The following PPP2R3A variants were observed in gnomAD, a reference collection of about 807,000 sequenced individuals.
PPP2R3A encodes the protein protein phosphatase 2 regulatory subunit B''alpha, also known as serine/threonine-protein phosphatase 2A regulatory subunit B'' subunit alpha.
In PPP2R3A, 80 loss-of-function variants were observed where a neutral mutation model predicts 106.9. That is an observed-to-expected ratio of 0.75 (90% CI 0.62 to 0.90). The LOEUF is 0.90. Ranked by LOEUF, PPP2R3A falls within the 40% of genes least tolerant of loss-of-function variation. The probability of loss-of-function intolerance (pLI) is 0.00; values close to 1 mark genes in which losing one functional copy is unlikely to be tolerated. For synonymous variants in PPP2R3A, 483 were observed against 468.3 expected (o/e 1.03, Z -0.41); for missense variants, 1,386 against 1,350.4 (o/e 1.03, Z -0.41).
At chr3:135,983,023 G>C (rs369574759) in intron 1 of PPP2R3A, among the ~76,000 whole-genome samples, 7 of 152,126 alleles carry the variant, frequency 4.6e-5, no homozygotes, top group African/African-American at 1.7e-4. Flanking sequence ...AACTAATAAC[G>C]TTAGATGTGA....
rs768219476 is a variant in PPP2R3A at position 136,106,176 on chromosome 3, GA to G, written c.3223-39del. The G allele has an allele frequency of 1.3e-5, 20 of 1,539,466 alleles. No individual in the cohort carries two copies. In the East Asian group the frequency reaches 4.5e-4, roughly 35 times the overall value. On this transcript the variant is annotated intron_variant, in intron 12 of 13. Transcript: ENST00000264977. ...GATCTATCTCCAATTCTTTGTCTTT[GA>G]TTTTTTTTATTTCTCGTGGCTGTCT... is the stretch of plus-strand genomic sequence containing the variant.
In PPP2R3A at chr3:136,109,029, T is replaced by G. The variant is rs190804575; in HGVS notation, c.3329+2707T>G. 1.6e-3 allele frequency among the ~76,000 whole-genome samples: 242 copies of G among 152,024 alleles called. 2 individuals carry two copies. The highest frequency in any genetic ancestry group is 5.6e-3 in the African/African-American group (232 of 41,494). ...ATGAGCAGCCATGGTAGAAAAGAAATAATAGTGAGCATTCAATCCATTTAA... is the reference window on the plus strand; with the variant it reads ...ATGAGCAGCCATGGTAGAAAAGAAAGAATAGTGAGCATTCAATCCATTTAA... On this transcript the variant is annotated intron_variant, in intron 13 of 13. Transcript: ENST00000264977.
intron 13 of PPP2R3A, among the ~76,000 whole-genome samples, chr3:136,112,636 A>T (rs888623440): frequency 6.6e-6 from 1 of 152,216 alleles, no homozygotes; most frequent in Admixed American, 6.5e-5. Context: ...CACAGACAAC[A>T]TTAAAAAATG....
rs201020288 is a variant in PPP2R3A, at chr3:136,045,802, TC to T, written c.2367-3454del. Among the ~76,000 whole-genome samples the T allele has an allele frequency of 4.5e-4, 68 of 152,228 alleles. No homozygotes were observed. In the East Asian group the frequency reaches 0.012, roughly 27 times the overall value. ...GTAGCCCTTACTATTAAATGCCATC[TC>T]CCAGGTTACAGCTTGAATTACAGCA... On this transcript the variant is annotated intron_variant, in intron 4 of 13. Coordinates refer to ENST00000264977, the MANE Select transcript of PPP2R3A (RefSeq NM_002718.5).
intron 1 of PPP2R3A, among the ~76,000 whole-genome samples, chr3:135,980,154 C>G (rs1937520110): frequency 6.6e-6 from 1 of 151,760 alleles, no homozygotes; most frequent in South Asian, 2.1e-4. Flanking sequence ...ACTCAGAGCT[C>G]TCAGCTAATT....
chr3:136,093,867 C>G (rs1424274027), intron 10 of PPP2R3A, among the ~76,000 whole-genome samples: 2 of 152,148 alleles, frequency 1.3e-5, no homozygotes, highest in Non-Finnish European at 2.9e-5. Flanking sequence ...ATCATATGAC[C>G]TAGCAATTCC....
intron 1 of PPP2R3A, among the ~76,000 whole-genome samples, chr3:135,983,660 A>G (rs1036844837): frequency 5.9e-5 from 9 of 151,940 alleles, no homozygotes; most frequent in Middle Eastern, 6.8e-3. Context: ...TGCATCTTCT[A>G]TTTGCCTCTT....
At position 136,001,471 on chromosome 3, in the gene PPP2R3A, A is replaced by G. The variant is rs766021403; in HGVS notation, c.-28A>G. On this transcript the variant is annotated 5_prime_UTR_variant, in exon 2 of 14. Coordinates refer to ENST00000264977, the MANE Select transcript of PPP2R3A (RefSeq NM_002718.5). ...ATGAAACAAGTTCTAGAAAGTTCCA[A>G]GTCCCACCAGTAAGTGGATTTGATA... 43 of 1,582,338 alleles carry G rather than the reference A, an allele frequency of 2.7e-5. No homozygotes were observed. Among genetic ancestry groups the G allele is most frequent in the South Asian group, 4.6e-5 (4 of 87,178 alleles).
At chr3:136,133,314 T>C (rs1263777954) in intron 13 of PPP2R3A, among the ~76,000 whole-genome samples, 4 of 152,076 alleles carry the variant, frequency 2.6e-5, no homozygotes, top group Admixed American at 6.6e-5. Flanking sequence ...GACTAATATC[T>C]CAATTTTTTA....
chr3:136,093,626 G>C (rs891625014), intron 10 of PPP2R3A, among the ~76,000 whole-genome samples: 1 of 152,122 alleles, frequency 6.6e-6, no homozygotes, highest in Admixed American at 6.6e-5. Flanking sequence ...GAAGATATAT[G>C]CATGGCCAAT....
chr3:136,104,320 G>GTGTGTT (rs1485193210), intron 12 of PPP2R3A, among the ~76,000 whole-genome samples: 1 of 151,884 alleles, frequency 6.6e-6, no homozygotes, highest in African/African-American at 2.4e-5. Context: ...GTGTGTGTGT[G>GTGTGTT]TGTGTGACAG....
chr3:136,133,734 T>C (rs1938504635), intron 13 of PPP2R3A, among the ~76,000 whole-genome samples: 1 of 151,620 alleles, frequency 6.6e-6, no homozygotes, highest in Non-Finnish European at 1.5e-5. Context: ...GCAAAATACA[T>C]CTTTTCATGA....
intron 12 of PPP2R3A, among the ~76,000 whole-genome samples, chr3:136,104,512 G>A (rs1212017550): frequency 6.6e-6 from 1 of 152,072 alleles, no homozygotes; most frequent in East Asian, 1.9e-4. Flanking sequence ...CTCCATATTG[G>A]TCAGGCTGGT....
In PPP2R3A at chr3:136,026,955, A is replaced by T. The variant is rs771815145; in HGVS notation, c.2119A>T (p.Ile707Leu). The change falls in exon 3 of 14, where the codon ATA (isoleucine) becomes TTA (leucine). Residue 707 changes from isoleucine to leucine, a missense_variant. By Grantham distance (5) the Ile-to-Leu change is conservative. Transcript: ENST00000264977. ...TAATGTTGTGAATGCGCCATTGTCC[A>T]TAAACATTCCACGGTTCTACTTTCC... Reference protein sequence around the residue: ...VNNVVNAPLSINIPRFYFPEG... With the variant: ...VNNVVNAPLSLNIPRFYFPEG... 6.2e-7 allele frequency: 1 copy of T among 1,613,866 alleles called. No individual in the cohort carries two copies. The highest frequency in any genetic ancestry group is 2.2e-5 in the East Asian group (1 of 44,884).
intron 1 of PPP2R3A, among the ~76,000 whole-genome samples, chr3:135,979,948 T>C (rs1371562539): frequency 6.6e-6 from 1 of 151,900 alleles, no homozygotes; most frequent in Non-Finnish European, 1.5e-5. Flanking sequence ...AAATATTGTT[T>C]ATAGTTAAAA....
At chr3:136,080,569 T>G (rs1197490245) in intron 7 of PPP2R3A, among the ~76,000 whole-genome samples, 1 of 152,236 alleles carries the variant, frequency 6.6e-6, no homozygotes, top group Non-Finnish European at 1.5e-5. Context: ...TTGAAAGTGT[T>G]CTGCTTCTTA....
chr3:136,135,210 T>A (rs1010894308), intron 13 of PPP2R3A, among the ~76,000 whole-genome samples: 3 of 152,058 alleles, frequency 2.0e-5, no homozygotes, highest in Admixed American at 6.6e-5. Flanking sequence ...TATGAGAGGC[T>A]CTTGCTGCTT....
At chr3:136,059,579 A>G (rs951047618) in intron 5 of PPP2R3A, among the ~76,000 whole-genome samples, 1 of 152,182 alleles carries the variant, frequency 6.6e-6, no homozygotes, top group Non-Finnish European at 1.5e-5. Context: ...CAATTCCTCA[A>G]AGACCTAAAG....
chr3:136,133,183 C>T (rs527540485), intron 13 of PPP2R3A, among the ~76,000 whole-genome samples: 2 of 152,080 alleles, frequency 1.3e-5, no homozygotes, highest in African/African-American at 2.4e-5. Flanking sequence ...AAATTAAAAA[C>T]GATTGCTCTT....
Sources: gnomAD v4.1 joint callset for allele counts (sites outside exome capture counted in the v4.1 genomes callset) on GRCh38, gnomAD v4.1.1 for gene constraint, MANE v1.5 for transcripts, NCBI Gene and HGNC (gene_info 2026-07-23, HGNC 2026-07-21) for gene names.